SLIT2: variants seen among roughly 807,000 people sequenced by gnomAD.
SLIT2 encodes slit guidance ligand 2, also known as slit homolog 2 protein.
Under a neutral mutation model 185.7 loss-of-function variants are expected in SLIT2, and 41 were observed. That is an observed-to-expected ratio of 0.22 (90% confidence interval 0.17 to 0.29). The LOEUF (loss-of-function observed/expected upper bound fraction) is 0.29, where lower values mean the gene tolerates loss of function less well. SLIT2 is among the 10% of genes least tolerant of loss of function. The pLI is 1.00. For synonymous variants in SLIT2, 693 were observed against 680.2 expected (o/e 1.02, Z -0.29); for missense variants, 1,571 against 1,909.0 (o/e 0.82, Z 3.30).
At chr4:20,487,189 T>C (rs1717323073) in intron 7 of SLIT2, among the ~76,000 whole-genome samples, 1 of 152,146 alleles carries the variant, frequency 6.6e-6, no homozygotes, top group African/African-American at 2.4e-5. Context: ...AATCCAACTC[T>C]GTACATAATA....
At chr4:20,380,758 T>C (rs1009369810) in intron 4 of SLIT2, among the ~76,000 whole-genome samples, 3 of 152,068 alleles carry the variant, frequency 2.0e-5, no homozygotes, top group African/African-American at 7.2e-5. Context: ...ATGAACAAAG[T>C]ATCTTCTGTG....
At chr4:20,353,599 T>C (rs966942128) in intron 4 of SLIT2, among the ~76,000 whole-genome samples, 1 of 152,184 alleles carries the variant, frequency 6.6e-6, no homozygotes, top group African/African-American at 2.4e-5. Flanking sequence ...ATTCAAAATA[T>C]TGTACAACTC....
At chr4:20,369,483 G>A (rs1723395498) in intron 4 of SLIT2, among the ~76,000 whole-genome samples, 1 of 152,100 alleles carries the variant, frequency 6.6e-6, no homozygotes, top group Admixed American at 6.6e-5. Flanking sequence ...GTGAGTACTT[G>A]CAACAAAGAC....
chr4:20,379,018 C>T (rs1045826307), intron 4 of SLIT2, among the ~76,000 whole-genome samples: 1 of 152,136 alleles, frequency 6.6e-6, no homozygotes. Context: ...TTCCAACTCT[C>T]TGACAGAGTA....
At chr4:20,325,884 A>G (rs768011384) in intron 4 of SLIT2, among the ~76,000 whole-genome samples, 6 of 152,146 alleles carry the variant, frequency 3.9e-5, no homozygotes, top group Non-Finnish European at 8.8e-5. Flanking sequence ...AATGTGACCA[A>G]TAAATATTTG....
intron 4 of SLIT2, among the ~76,000 whole-genome samples, chr4:20,456,096 C>T (rs1713036325): frequency 6.6e-6 from 1 of 152,052 alleles, no homozygotes; most frequent in African/African-American, 2.4e-5. Context: ...AACAACAAGC[C>T]TTGCTGTTCT....
intron 4 of SLIT2, chr4:20,364,196 G>T: frequency 2.5e-6 from 2 of 788,916 alleles, no homozygotes; most frequent in African/African-American, 1.9e-5. Flanking sequence ...CTGGGATGGA[G>T]CATTTGTGCC....
chr4:20,452,518 G>A (rs1279385410), intron 4 of SLIT2, among the ~76,000 whole-genome samples: 1 of 152,098 alleles, frequency 6.6e-6, no homozygotes, highest in Non-Finnish European at 1.5e-5. Flanking sequence ...TGCACAAGTT[G>A]TTCTTTGTTG....
intron 34 of SLIT2, among the ~76,000 whole-genome samples, chr4:20,610,927 A>T (rs1018318819): frequency 1.3e-5 from 2 of 152,170 alleles, no homozygotes; most frequent in African/African-American, 4.8e-5. Context: ...GTTCTGTAGG[A>T]GCCCATCGGA....
At chr4:20,486,147 T>G in intron 6 of SLIT2, 53 bp from the exon 7 acceptor site, 1 of 1,085,560 alleles carries the variant, frequency 9.2e-7, no homozygotes, top group South Asian at 1.3e-5. Flanking sequence ...ATATATAAAA[T>G]GATCAATCAA....
At chr4:20,470,117 A>T (rs1714820438) in intron 5 of SLIT2, among the ~76,000 whole-genome samples, 1 of 152,114 alleles carries the variant, frequency 6.6e-6, no homozygotes, top group Non-Finnish European at 1.5e-5. Flanking sequence ...TAGGGAAAGA[A>T]GATGTATGAA....
chr4:20,612,334 A>T (rs1350399), intron 34 of SLIT2, among the ~76,000 whole-genome samples: 12,591 of 149,360 alleles, frequency 0.084, 560 homozygotes, highest in Admixed American at 0.15. Flanking sequence ...GAGGAAAAAA[A>T]GTTTTAAATT....
intron 3 of SLIT2, among the ~76,000 whole-genome samples, chr4:20,261,023 G>C (rs920227769): frequency 6.6e-6 from 1 of 151,736 alleles, no homozygotes; most frequent in African/African-American, 2.4e-5. Context: ...ACTGTAAAAG[G>C]AGGAAGTTGT....
chr4:20,256,771 A>G (rs1413349433), intron 2 of SLIT2, 28 bp downstream of exon 2: 1 of 1,183,886 alleles, frequency 8.4e-7, no homozygotes, highest in East Asian at 2.4e-5. Flanking sequence ...ATTTTTAAAT[A>G]ATTTTTTAAG....
At chr4:20,472,611 T>TATATATATCG (rs1560455616) in intron 5 of SLIT2, among the ~76,000 whole-genome samples, 94 of 8,316 alleles carry the variant, frequency 0.011, 37 homozygotes, top group East Asian at 0.059. Flanking sequence ...TAGATATATC[T>TATATATATCG]ATATATATCG....
chr4:20,360,153 A>G (rs1160853648), intron 4 of SLIT2, among the ~76,000 whole-genome samples: 1 of 152,200 alleles, frequency 6.6e-6, no homozygotes, highest in Non-Finnish European at 1.5e-5. Context: ...ATTTCCTAAC[A>G]TTCTCTCTTT....
chr4:20,345,708 G>C (rs918657433), intron 4 of SLIT2, among the ~76,000 whole-genome samples: 2 of 150,724 alleles, frequency 1.3e-5, no homozygotes, highest in Non-Finnish European at 3.0e-5. Flanking sequence ...GCTAATTTTT[G>C]TATTTTTAGT....
intron 29 of SLIT2, among the ~76,000 whole-genome samples, chr4:20,580,417 G>A (rs1726464545): frequency 6.7e-6 from 1 of 148,710 alleles, no homozygotes; most frequent in South Asian, 2.1e-4. Context: ...ATACGTGTGT[G>A]TGTGTGTGTG....
At chr4:20,420,395 C>A (rs1728082690) in intron 4 of SLIT2, among the ~76,000 whole-genome samples, 1 of 152,154 alleles carries the variant, frequency 6.6e-6, no homozygotes, top group Non-Finnish European at 1.5e-5. Flanking sequence ...ATTCATTCAA[C>A]AAATATTGAT....
Sources: gnomAD v4.1 joint callset for allele counts (sites outside exome capture counted in the v4.1 genomes callset) on GRCh38, gnomAD v4.1.1 for gene constraint, MANE v1.5 for transcripts, NCBI Gene and HGNC (gene_info 2026-07-23, HGNC 2026-07-21) for gene names.